The following SLC25A21 variants were observed in gnomAD, a reference collection of about 807,000 sequenced individuals.
The protein encoded by SLC25A21 is mitochondrial 2-oxodicarboxylate carrier.
SLC25A21 carries 47 observed loss-of-function variants against 43.8 expected under a neutral mutation model. That is an observed-to-expected ratio of 1.07 (90% CI 0.85 to 1.37). The LOEUF (loss-of-function observed/expected upper bound fraction) is 1.37. Ranked by LOEUF, SLC25A21 falls within the 40% of genes most tolerant of loss-of-function variation. The pLI, the probability that SLC25A21 is intolerant of heterozygous loss-of-function variation, is 0.00. For missense variants in SLC25A21, 352 were observed against 350.2 expected, an observed-to-expected ratio of 1.00 and a Z score of -0.04; for synonymous variants, 131 against 121.3, an observed-to-expected ratio of 1.08 and a Z score of -0.52.
intron 2 of SLC25A21, among the ~76,000 whole-genome samples, chr14:36,858,321 G>T (rs1168911458): frequency 6.6e-6 from 1 of 152,050 alleles, no homozygotes; most frequent in Non-Finnish European, 1.5e-5. Flanking sequence ...GTGAACCTCT[G>T]GGAGTTGAGA....
chr14:36,814,539 A>G (rs1333294094), intron 2 of SLC25A21, among the ~76,000 whole-genome samples: 1 of 152,246 alleles, frequency 6.6e-6, no homozygotes, highest in Non-Finnish European at 1.5e-5. Flanking sequence ...TCAAAAGAAG[A>G]CATTTAAGCG....
intron 3 of SLC25A21, among the ~76,000 whole-genome samples, chr14:36,781,330 A>G (rs760524298): frequency 2.6e-5 from 4 of 152,160 alleles, no homozygotes; most frequent in Non-Finnish European, 4.4e-5. Flanking sequence ...ATTTACATTT[A>G]AAGTAATTAT....
At chr14:36,971,506 A>G (rs1030529309) in intron 1 of SLC25A21, among the ~76,000 whole-genome samples, 1 of 152,026 alleles carries the variant, frequency 6.6e-6, no homozygotes, top group Admixed American at 6.6e-5. Flanking sequence ...TCCTATGTAA[A>G]TATCAGACCT....
chr14:36,766,860 T>C (rs1886435302), intron 3 of SLC25A21, among the ~76,000 whole-genome samples: 1 of 152,186 alleles, frequency 6.6e-6, no homozygotes, highest in Non-Finnish European at 1.5e-5. Context: ...AGGATTGGCA[T>C]GAGGATTACA....
At chr14:36,940,394 C>T (rs1443051292) in intron 1 of SLC25A21, among the ~76,000 whole-genome samples, 1 of 151,624 alleles carries the variant, frequency 6.6e-6, no homozygotes, top group Non-Finnish European at 1.5e-5. Flanking sequence ...TTAAAGGTTG[C>T]ATTATAAATC....
chr14:37,044,917 T>C (rs1040978497), intron 1 of SLC25A21, among the ~76,000 whole-genome samples: 1 of 152,222 alleles, frequency 6.6e-6, no homozygotes, highest in African/African-American at 2.4e-5. Flanking sequence ...CTCCCCAACA[T>C]TATTCCAACT....
intron 3 of SLC25A21, among the ~76,000 whole-genome samples, chr14:36,759,976 TAGAA>T (rs1886082507): frequency 6.6e-6 from 1 of 151,848 alleles, no homozygotes; most frequent in Non-Finnish European, 1.5e-5. Context: ...AAAAAAAAAA[TAGAA>T]AGAAATTGCT....
In SLC25A21 at chr14:36,678,513, T is replaced by A. The variant is rs1167833377; in HGVS notation, c.*2145A>T. The A allele has an allele frequency of 6.5e-7, 1 of 1,536,906 alleles. No individual in the cohort carries two copies. Among genetic ancestry groups the A allele is most frequent in the African/African-American group, 1.4e-5 (1 of 73,036 alleles). On this transcript the variant is annotated 3_prime_UTR_variant, in exon 10 of 10. Coordinates refer to ENST00000331299, the MANE Select transcript of SLC25A21 (RefSeq NM_030631.4). ...GTGAGAAAATAGACTATAAACTGAA[T>A]GGAACAAAGATCCAATCCAATATTT...
intron 1 of SLC25A21, among the ~76,000 whole-genome samples, chr14:37,032,276 T>C (rs982866777): frequency 6.6e-5 from 10 of 152,040 alleles, no homozygotes; most frequent in African/African-American, 2.4e-4. Context: ...TGGCTCACGC[T>C]TGTAATCCTA....
chr14:36,794,163 C>A (rs1461923515), intron 3 of SLC25A21, among the ~76,000 whole-genome samples: 1 of 151,998 alleles, frequency 6.6e-6, no homozygotes, highest in African/African-American at 2.4e-5. Context: ...ACCATGCAGG[C>A]AATGAACACA....
intron 1 of SLC25A21, among the ~76,000 whole-genome samples, chr14:37,060,823 G>C (rs1961932763): frequency 6.6e-6 from 1 of 152,190 alleles, no homozygotes; most frequent in Non-Finnish European, 1.5e-5. Context: ...TAGACAAGGT[G>C]AGGAGAAGCA....
intron 2 of SLC25A21, among the ~76,000 whole-genome samples, chr14:36,839,747 CAAACCATGATGGT>C (rs1273392885): frequency 6.6e-6 from 1 of 152,160 alleles, no homozygotes; most frequent in Non-Finnish European, 1.5e-5. Context: ...TGTAATTACA[CAAACCATGATGGT>C]AGAGCCTACT....
intron 7 of SLC25A21, among the ~76,000 whole-genome samples, chr14:36,699,966 C>T (rs1883209686): frequency 6.6e-6 from 1 of 152,166 alleles, no homozygotes; most frequent in South Asian, 2.1e-4. Flanking sequence ...ACTGTCCAAC[C>T]AGTCCCAGTG....
intron 1 of SLC25A21, among the ~76,000 whole-genome samples, chr14:37,152,390 T>TTA (rs1963773458): frequency 6.6e-6 from 1 of 150,854 alleles, no homozygotes; most frequent in Non-Finnish European, 1.5e-5. Context: ...ATTTCAATTT[T>TTA]TTTTTTTTTT....
intron 1 of SLC25A21, among the ~76,000 whole-genome samples, chr14:36,965,454 C>A (rs972950722): frequency 1.3e-5 from 2 of 151,962 alleles, no homozygotes; most frequent in African/African-American, 4.8e-5. Context: ...ACTTAAATTT[C>A]TTCATGTTTA....
intron 1 of SLC25A21, among the ~76,000 whole-genome samples, chr14:37,140,244 G>A (rs1370513987): frequency 1.3e-5 from 2 of 152,194 alleles, no homozygotes; most frequent in African/African-American, 4.8e-5. Flanking sequence ...TGCCTTGGTA[G>A]ATACAGGATA....
rs904542400 is a variant in SLC25A21, at chr14:36,680,231, C to CT, written c.*426dup. ...AAAAACTGCTTAAATTTTGGCTTAA[C>CT]TTTTTTTTAATCCAGTCTTTGAATA... On this transcript the variant is annotated 3_prime_UTR_variant, in exon 10 of 10. Transcript: ENST00000331299. 25 of 927,026 alleles carry CT rather than the reference C, an allele frequency of 2.7e-5. No individual in the cohort carries two copies. Among genetic ancestry groups the CT allele is most frequent in the African/African-American group, 7.2e-5 (4 of 55,764 alleles). 57.4% of individuals were successfully genotyped at this position (927,026 alleles called of 1,614,324 possible). A position where few individuals can be genotyped will look rare whatever the true frequency, so the allele number is the denominator to read the frequency against.
chr14:37,121,084 G>A (rs964022846), intron 1 of SLC25A21, among the ~76,000 whole-genome samples: 2 of 152,120 alleles, frequency 1.3e-5, no homozygotes, highest in Admixed American at 1.3e-4. Flanking sequence ...GTCCCAAAGG[G>A]CAAACTGAAA....
intron 1 of SLC25A21, among the ~76,000 whole-genome samples, chr14:36,932,745 T>C (rs1196544789): frequency 6.6e-6 from 1 of 151,870 alleles, no homozygotes; most frequent in Non-Finnish European, 1.5e-5. Flanking sequence ...AATGTATTTA[T>C]AGTATATAGC....
Sources: allele counts gnomAD v4.1 joint callset (sites outside exome capture counted in the v4.1 genomes callset), GRCh38; gene constraint gnomAD v4.1.1; transcripts MANE v1.5; gene names NCBI Gene and HGNC (gene_info 2026-07-23, HGNC 2026-07-21).